Variants in PDLIM1 observed in about 807,000 individuals in gnomAD.
The protein encoded by PDLIM1 is PDZ and LIM domain 1.
In PDLIM1, 25 loss-of-function variants were observed where a neutral mutation model predicts 35.2. The ratio of observed to expected loss-of-function variants is 0.71; its 90% CI spans 0.52 to 0.99. PDLIM1 has a LOEUF of 0.99. Among genes scored for constraint, PDLIM1 ranks in the 50% least tolerant of loss-of-function variants. The pLI is 0.00. For missense variants in PDLIM1, 363 were observed against 415.3 expected, an observed-to-expected ratio of 0.87 and a Z score of 1.09; for synonymous variants, 152 against 154.0, an observed-to-expected ratio of 0.99 and a Z score of 0.10.
chr10:95,275,653 C>G (rs2133436564), intron 1 of PDLIM1, among the ~76,000 whole-genome samples: 1 of 152,300 alleles, frequency 6.6e-6, no homozygotes, highest in South Asian at 2.1e-4. Flanking sequence ...ACTCACAAAA[C>G]TCAAATGAGA....
At chr10:95,289,188 T>C (rs957264328) in intron 1 of PDLIM1, among the ~76,000 whole-genome samples, 3 of 152,230 alleles carry the variant, frequency 2.0e-5, no homozygotes, top group Admixed American at 6.5e-5. Flanking sequence ...ACAGGTTAAT[T>C]ATAGACACAA....
chr10:95,246,686 G>A (rs921814206), intron 5 of PDLIM1, among the ~76,000 whole-genome samples: 3 of 152,196 alleles, frequency 2.0e-5, no homozygotes, highest in African/African-American at 7.2e-5. Flanking sequence ...AAAGGTCACA[G>A]AATAAGAACA....
intron 5 of PDLIM1, among the ~76,000 whole-genome samples, chr10:95,239,592 T>A (rs948709475): frequency 6.6e-6 from 1 of 152,184 alleles, no homozygotes; most frequent in African/African-American, 2.4e-5. Flanking sequence ...GGTCAGGAAT[T>A]TGAGAATAGC....
intron 4 of PDLIM1, among the ~76,000 whole-genome samples, chr10:95,262,970 C>G (rs781479724): frequency 2.0e-5 from 3 of 151,746 alleles, no homozygotes; most frequent in Non-Finnish European, 4.4e-5. Context: ...CAGTGAGACC[C>G]CAATCTCTAC....
intron 4 of PDLIM1, among the ~76,000 whole-genome samples, chr10:95,249,929 T>A (rs759446323): frequency 2.6e-5 from 4 of 152,198 alleles, no homozygotes; most frequent in African/African-American, 4.8e-5. Flanking sequence ...AAAGCAGCTA[T>A]CCCTGCCTGT....
At chr10:95,266,283 T>C (rs759500209) in intron 3 of PDLIM1, among the ~76,000 whole-genome samples, 1 of 152,212 alleles carries the variant, frequency 6.6e-6, no homozygotes, top group Non-Finnish European at 1.5e-5. Context: ...GTAAATTTTA[T>C]GGCACAGCTA....
In PDLIM1 at chr10:95,247,252, G is replaced by C; in HGVS notation, c.648C>G (p.Phe216Leu). ...LNEPPKQSTS[F>L]LVLQEILESE... ...ACTCCAGGATTTCCTGCAAAACCAA[G>C]AAAGACGTGGACTGTTTCGGGGGCT... Residue 216 changes from phenylalanine (F) to leucine (L), a missense_variant, in exon 5 of 7, where the codon TTC becomes TTG. Transcript: ENST00000329399. The C allele has an allele frequency of 6.2e-7, 1 of 1,613,770 alleles. No individual in the cohort carries two copies. The highest frequency in any genetic ancestry group is 8.5e-7 in the Non-Finnish European group (1 of 1,179,936).
At chr10:95,283,197 C>T (rs1161122991) in intron 1 of PDLIM1, among the ~76,000 whole-genome samples, 1 of 151,708 alleles carries the variant, frequency 6.6e-6, no homozygotes, top group African/African-American at 2.4e-5. Context: ...ACGTAATAAA[C>T]ACTCAATATA....
intron 3 of PDLIM1, among the ~76,000 whole-genome samples, chr10:95,265,458 G>C (rs912439471): frequency 6.6e-6 from 1 of 151,978 alleles, no homozygotes; most frequent in African/African-American, 2.4e-5. Flanking sequence ...AGCCAGACAT[G>C]GTGGCGCATG....
At chr10:95,278,452 G>T (rs116392522) in intron 1 of PDLIM1, among the ~76,000 whole-genome samples, 160 of 152,246 alleles carry the variant, frequency 1.1e-3, no homozygotes, top group African/African-American at 3.6e-3. Flanking sequence ...CAGTCTCCTG[G>T]GGGGAGACAA....
At chr10:95,250,786 T>C (rs2035261202) in intron 4 of PDLIM1, among the ~76,000 whole-genome samples, 1 of 152,178 alleles carries the variant, frequency 6.6e-6, no homozygotes, top group South Asian at 2.1e-4. Context: ...TACTTTGGAG[T>C]AACAATACGT....
At chr10:95,270,336 C>CAAA (rs943239754) in intron 2 of PDLIM1, among the ~76,000 whole-genome samples, 1 of 123,748 alleles carries the variant, frequency 8.1e-6, no homozygotes, top group Non-Finnish European at 1.8e-5. Context: ...TGCCACAAAG[C>CAAA]AAAAAAAAAA....
At chr10:95,263,163 C>T (rs2035381137) in intron 4 of PDLIM1, among the ~76,000 whole-genome samples, 1 of 147,232 alleles carries the variant, frequency 6.8e-6, no homozygotes, top group Non-Finnish European at 1.5e-5. Context: ...AAAAAAAAGA[C>T]TCAAAGGCAG....
At chr10:95,276,916 A>AAAAAAC (rs2035516699) in intron 1 of PDLIM1, among the ~76,000 whole-genome samples, 1 of 150,252 alleles carries the variant, frequency 6.7e-6, no homozygotes, top group Non-Finnish European at 1.5e-5. Flanking sequence ...AAAAAAAAAA[A>AAAAAAC]AAAAAAAACT....
intron 4 of PDLIM1, among the ~76,000 whole-genome samples, chr10:95,255,323 C>T (rs1460968497): frequency 1.3e-5 from 1 of 75,056 alleles, no homozygotes; most frequent in Non-Finnish European, 3.0e-5. Flanking sequence ...ACCAAAGATA[C>T]TAAAAAAAAA....
At chr10:95,242,171 G>A (rs2035184108) in intron 5 of PDLIM1, among the ~76,000 whole-genome samples, 1 of 152,068 alleles carries the variant, frequency 6.6e-6, no homozygotes, top group Non-Finnish European at 1.5e-5. Context: ...ACTCAGTTCT[G>A]CCCCACCAGC....
intron 1 of PDLIM1, among the ~76,000 whole-genome samples, chr10:95,282,678 G>T (rs113260829): frequency 6.6e-6 from 1 of 152,340 alleles, no homozygotes; most frequent in African/African-American, 2.4e-5. Flanking sequence ...GGTGGCTCAT[G>T]CCGGTAATCC....
At chr10:95,254,842 C>T (rs923063578) in intron 4 of PDLIM1, among the ~76,000 whole-genome samples, 2 of 152,032 alleles carry the variant, frequency 1.3e-5, no homozygotes, top group African/African-American at 4.8e-5. Flanking sequence ...ATCACTTGAG[C>T]CCAGGAGGCA....
In PDLIM1 at chr10:95,268,788, G is replaced by C. The variant is rs1163951608; in HGVS notation, c.323C>G (p.Ser108Cys). 2 of 1,610,936 alleles carry C rather than the reference G, an allele frequency of 1.2e-6. No individual in the cohort carries two copies. Among genetic ancestry groups the C allele is most frequent in the Non-Finnish European group, 1.7e-6 (2 of 1,177,022 alleles). The change falls in exon 3 of 7, where the codon TCT becomes TGT. Residue 108 changes from serine to cysteine, a missense_variant. Coordinates refer to ENST00000329399, the MANE Select transcript of PDLIM1 (RefSeq NM_020992.4). ...KRHPYKMNLA[S>C]EPQEVLHIGS... ...TGAGCAAGAACTTACCTGGGGTTCA[G>C]AGGCTAAATTCATCTTGTATGGATG...
Sources: gnomAD v4.1 joint callset for allele counts (sites outside exome capture counted in the v4.1 genomes callset) on GRCh38, gnomAD v4.1.1 for gene constraint, MANE v1.5 for transcripts, NCBI Gene and HGNC (gene_info 2026-07-23, HGNC 2026-07-21) for gene names.